The following SAMMSON variants were observed in gnomAD, a reference collection of about 807,000 sequenced individuals.
SAMMSON encodes long intergenic non-protein coding RNA 1212.
chr3:70,095,338 G>A (rs2067319401), intron 4 of SAMMSON, among the ~76,000 whole-genome samples: 2 of 152,074 alleles, frequency 1.3e-5, no homozygotes, highest in African/African-American at 4.8e-5. Flanking sequence ...TTATTAAGTT[G>A]CTCATTTGCT....
intron 4 of SAMMSON, chr3:70,072,660 A>C (rs1028143527): frequency 2.6e-5 from 4 of 151,378 alleles, no homozygotes; most frequent in Non-Finnish European, 4.4e-5. Flanking sequence ...AAAAAAAAAA[A>C]AAAAAACAGA....
At chr3:70,392,128 C>T (rs765395530), downstream of SAMMSON, among the ~76,000 whole-genome samples, 4 of 152,104 alleles carry the variant, frequency 2.6e-5, no homozygotes, top group Admixed American at 1.3e-4. Flanking sequence ...TTTTTCTTTT[C>T]GAAAACTTAA....
chr3:70,065,881 C>G (rs1405828234), intron 3 of SAMMSON, among the ~76,000 whole-genome samples: 1 of 152,102 alleles, frequency 6.6e-6, no homozygotes, highest in Non-Finnish European at 1.5e-5. Context: ...ACAGGTGTCA[C>G]CGCAGGCCCA....
At chr3:70,126,270 T>TC in intron 4 of SAMMSON, 1 of 1,038,394 alleles carries the variant, frequency 9.6e-7, no homozygotes, top group South Asian at 1.4e-5. Flanking sequence ...TTTTTTTTTT[T>TC]CAGAGACTGG....
chr3:70,097,201 G>C (rs923465164), intron 4 of SAMMSON, among the ~76,000 whole-genome samples: 16 of 152,310 alleles, frequency 1.1e-4, no homozygotes, highest in African/African-American at 3.6e-4. Flanking sequence ...TGAATTTGGA[G>C]TTTACACAAA....
At chr3:70,408,186 C>T (rs2106766971) in intron 2 of SAMMSON, among the ~76,000 whole-genome samples, 1 of 152,338 alleles carries the variant, frequency 6.6e-6, no homozygotes, top group African/African-American at 2.4e-5. Flanking sequence ...TCTCCTAGGC[C>T]TGTGGGCCAG....
rs149816965 is a variant in SAMMSON at position 70,318,290 on chromosome 3, G to T, written n.739+27047G>T. On this transcript the variant is annotated intron_variant and non_coding_transcript_variant, in intron 7 of 9. Transcript: ENST00000642114. Reference sequence around the variant, plus strand: ...TTGATATTTTTACACAGTTCATAGAGGCTTTGATCATTTTTTTCCCCAGTC... The same window carrying T: ...TTGATATTTTTACACAGTTCATAGATGCTTTGATCATTTTTTTCCCCAGTC... Among the ~76,000 whole-genome samples, 104 of 151,972 alleles carry T rather than the reference G, an allele frequency of 6.8e-4. 1 individual carries two copies. In the East Asian group the frequency reaches 0.019, roughly 28 times the overall value.
intron 3 of SAMMSON, among the ~76,000 whole-genome samples, chr3:70,047,298 GTATTAT>G (rs1220349060): frequency 6.6e-6 from 1 of 151,040 alleles, no homozygotes; most frequent in Non-Finnish European, 1.5e-5. Context: ...CAAATAGTAG[GTATTAT>G]TATTATTATA....
chr3:70,370,616 A>G (rs756714270), intron 9 of SAMMSON, among the ~76,000 whole-genome samples: 93 of 152,120 alleles, frequency 6.1e-4, no homozygotes, highest in Non-Finnish European at 1.2e-3. Flanking sequence ...CTTTTGAGAA[A>G]TGTCTATTCA....
intron 3 of SAMMSON, among the ~76,000 whole-genome samples, chr3:70,032,966 G>T (rs1309864867): frequency 1.3e-5 from 2 of 152,096 alleles, no homozygotes; most frequent in African/African-American, 4.8e-5. Context: ...CCAGGTGGGG[G>T]ACAATTCTGA....
At chr3:70,230,131 G>A (rs1701544065) in intron 4 of SAMMSON, among the ~76,000 whole-genome samples, 1 of 152,134 alleles carries the variant, frequency 6.6e-6, no homozygotes, top group Middle Eastern at 3.2e-3. Context: ...AATTAAAAAT[G>A]GTCAGGCCGA....
intron 3 of SAMMSON, among the ~76,000 whole-genome samples, chr3:70,033,152 G>A (rs1576103356): frequency 6.6e-6 from 1 of 152,260 alleles, no homozygotes; most frequent in East Asian, 1.9e-4. Flanking sequence ...AATTCTCCGT[G>A]GTTTTCAAAG....
In SAMMSON at chr3:70,010,872, G is replaced by T. The variant is rs531759590; in HGVS notation, n.23-1485G>T. ...GTGAGTGCAAACAGGGGAAATGCCA[G>T]ACGCTTATAAAACCATAAGATCTCG... is the stretch of plus-strand genomic sequence containing the variant. On this transcript the variant is annotated intron_variant and non_coding_transcript_variant, in intron 1 of 9. Coordinates refer to ENST00000642114, the Ensembl canonical transcript of SAMMSON. Among the ~76,000 whole-genome samples the T allele has an allele frequency of 2.6e-5, 4 of 152,218 alleles. No homozygotes were observed. The South Asian group carries it at 8.3e-4, about 32-fold the overall frequency.
chr3:70,244,252 G>A (rs554614464), intron 4 of SAMMSON, among the ~76,000 whole-genome samples: 9 of 152,214 alleles, frequency 5.9e-5, no homozygotes, highest in Admixed American at 1.3e-4. Context: ...AATGTTTACC[G>A]TGATGAGTAT....
At chr3:70,370,222 A>AT in intron 9 of SAMMSON, among the ~76,000 whole-genome samples, 1 of 152,184 alleles carries the variant, frequency 6.6e-6, no homozygotes, top group African/African-American at 2.4e-5. Flanking sequence ...ATGGATGGAC[A>AT]TTTAGGCTGA....
intron 7 of SAMMSON, among the ~76,000 whole-genome samples, chr3:70,299,035 G>A (rs533335205): frequency 2.6e-5 from 4 of 152,096 alleles, no homozygotes; most frequent in East Asian, 1.9e-4. Flanking sequence ...AGGATCTCAC[G>A]TGGTGCTTTG....
chr3:70,408,826 T>C (rs900250899), intron 2 of SAMMSON, among the ~76,000 whole-genome samples: 1 of 152,142 alleles, frequency 6.6e-6, no homozygotes, highest in Non-Finnish European at 1.5e-5. Context: ...CAATTTACTA[T>C]ATTTATCTGT....
At chr3:70,110,854 TC>T (rs2067385401) in intron 4 of SAMMSON, among the ~76,000 whole-genome samples, 1 of 152,068 alleles carries the variant, frequency 6.6e-6, no homozygotes, top group South Asian at 2.1e-4. Flanking sequence ...GAGAAGACAG[TC>T]CTTAGGATGA....
At chr3:70,310,670 G>A (rs1702446268) in intron 7 of SAMMSON, among the ~76,000 whole-genome samples, 2 of 152,098 alleles carry the variant, frequency 1.3e-5, no homozygotes, top group South Asian at 4.1e-4. Flanking sequence ...CCGGCCATAG[G>A]TGTATTTTTA....
Sources: allele counts gnomAD v4.1 joint callset (sites outside exome capture counted in the v4.1 genomes callset), GRCh38; gene constraint gnomAD v4.1.1; transcripts MANE v1.5; gene names NCBI Gene and HGNC (gene_info 2026-07-23, HGNC 2026-07-21).